BLTP3B: variants seen among roughly 807,000 people sequenced by gnomAD.
BLTP3B encodes the protein UHRF1 (ICBP90) binding protein 1-like.
chr12:100,098,413 T>C, the BLTP3B span: 3 of 1,613,896 alleles, frequency 1.9e-6, no homozygotes, highest in South Asian at 2.2e-5. Flanking sequence ...CCAGTGTGCA[T>C]TTACACTATA....
the BLTP3B span, among the ~76,000 whole-genome samples, chr12:100,080,220 C>A: frequency 6.6e-6 from 1 of 152,162 alleles, no homozygotes; most frequent in African/African-American, 2.4e-5. Context: ...GATCCACTGA[C>A]ACCTTGCACC....
the BLTP3B span, among the ~76,000 whole-genome samples, chr12:100,100,275 A>T: frequency 6.6e-6 from 1 of 152,328 alleles, no homozygotes; most frequent in Middle Eastern, 3.4e-3. Flanking sequence ...ACTGCACTCC[A>T]GCCTGGGCAA....
chr12:100,103,728 T>C, the BLTP3B span, among the ~76,000 whole-genome samples: 1 of 152,148 alleles, frequency 6.6e-6, no homozygotes, highest in East Asian at 1.9e-4. Context: ...TTAAAGATGC[T>C]CCTACTTTAA....
At chr12:100,097,370 T>C in the BLTP3B span, 1 of 1,610,696 alleles carries the variant, frequency 6.2e-7, no homozygotes, top group Non-Finnish European at 8.5e-7. Flanking sequence ...CTCACCCTTC[T>C]TTTAAGTGTG....
At chr12:100,125,860 A>G in the BLTP3B span, among the ~76,000 whole-genome samples, 1 of 152,222 alleles carries the variant, frequency 6.6e-6, no homozygotes, top group East Asian at 1.9e-4. Context: ...AATCATTGCA[A>G]TATGTTATGA....
the BLTP3B span, among the ~76,000 whole-genome samples, chr12:100,121,529 T>C: frequency 6.6e-6 from 1 of 152,048 alleles, no homozygotes; most frequent in Non-Finnish European, 1.5e-5. Context: ...TATGATTACA[T>C]ATATGTTAAA....
chr12:100,132,432 T>TA, the BLTP3B span, among the ~76,000 whole-genome samples: 1 of 152,108 alleles, frequency 6.6e-6, no homozygotes, highest in Non-Finnish European at 1.5e-5. Context: ...GTTCTTGCAG[T>TA]AGTAAGTTCT....
chr12:100,081,679 T>C, the BLTP3B span, among the ~76,000 whole-genome samples: 2 of 152,212 alleles, frequency 1.3e-5, no homozygotes, highest in African/African-American at 4.8e-5. Context: ...TTGGTTTTCT[T>C]TTCCTGCATT....
the BLTP3B span, among the ~76,000 whole-genome samples, chr12:100,057,080 T>G: frequency 6.6e-6 from 1 of 152,198 alleles, no homozygotes; most frequent in Admixed American, 6.5e-5. Flanking sequence ...ATCATATATG[T>G]GAAAGAATCC....
chr12:100,102,427 T>TA, the BLTP3B span, among the ~76,000 whole-genome samples: 1 of 152,082 alleles, frequency 6.6e-6, no homozygotes, highest in Non-Finnish European at 1.5e-5. Context: ...ACTTAACTCT[T>TA]AAGAGTCATA....
chr12:100,069,788 A>G, the BLTP3B span: 12 of 287,108 alleles, frequency 4.2e-5, no homozygotes, highest in Non-Finnish European at 6.3e-5. Context: ...GTGCAGCAAA[A>G]TCTCACAAAT....
At chr12:100,095,490 T>A in the BLTP3B span, among the ~76,000 whole-genome samples, 2 of 152,202 alleles carry the variant, frequency 1.3e-5, no homozygotes, top group African/African-American at 4.8e-5. Context: ...GAATAAACAC[T>A]AACAGATATG....
At chr12:100,101,908 A>G in the BLTP3B span, among the ~76,000 whole-genome samples, 1 of 152,126 alleles carries the variant, frequency 6.6e-6, no homozygotes, top group Admixed American at 6.5e-5. Flanking sequence ...GGTTCAAGCA[A>G]TTCTCCTGCC....
the BLTP3B span, among the ~76,000 whole-genome samples, chr12:100,138,108 C>T: frequency 2.0e-5 from 3 of 152,258 alleles, no homozygotes; most frequent in South Asian, 2.1e-4. Flanking sequence ...ATTAAACATC[C>T]TACAATGCAC....
the BLTP3B span, among the ~76,000 whole-genome samples, chr12:100,089,261 A>T: frequency 6.6e-6 from 1 of 152,226 alleles, no homozygotes; most frequent in Non-Finnish European, 1.5e-5. Flanking sequence ...ACCTAAGAAT[A>T]AAACTAAAAT....
the BLTP3B span, among the ~76,000 whole-genome samples, chr12:100,044,199 G>A: frequency 6.6e-6 from 1 of 152,056 alleles, no homozygotes; most frequent in African/African-American, 2.4e-5. Context: ...CTCTTCACCT[G>A]AGCTATTATC....
the BLTP3B span, among the ~76,000 whole-genome samples, chr12:100,124,214 C>T: frequency 6.6e-6 from 1 of 151,830 alleles, no homozygotes; most frequent in African/African-American, 2.4e-5. Context: ...TTTGAGGCTG[C>T]ATTTAAGTGT....
chr12:100,054,783 C>A, the BLTP3B span, among the ~76,000 whole-genome samples: 1 of 152,076 alleles, frequency 6.6e-6, no homozygotes, highest in East Asian at 1.9e-4. Context: ...AATAGCTTAA[C>A]GGCTTGTTAA....
chr12:100,067,835 AAAG>A, the BLTP3B span, among the ~76,000 whole-genome samples: 1 of 152,210 alleles, frequency 6.6e-6, no homozygotes, highest in Non-Finnish European at 1.5e-5. Flanking sequence ...AACACTGCTG[AAAG>A]AAGTCATAGA....
Sources: allele counts gnomAD v4.1 joint callset (sites outside exome capture counted in the v4.1 genomes callset), GRCh38; gene constraint gnomAD v4.1.1; transcripts MANE v1.5; gene names NCBI Gene and HGNC (gene_info 2026-07-23, HGNC 2026-07-21).